The following PPCS variants were observed in gnomAD, a reference collection of about 807,000 sequenced individuals.
The protein encoded by PPCS is phosphopantothenoylcysteine synthetase.
Under a neutral mutation model 24.6 loss-of-function variants are expected in PPCS, and 17 were observed. The ratio of observed to expected loss-of-function variants is 0.69; its 90% CI spans 0.47 to 1.04. The LOEUF is 1.04. PPCS is among the 50% of genes least tolerant of loss of function. PPCS has a pLI of 0.00. For missense variants in PPCS, 360 were observed against 402.8 expected (o/e 0.89, Z 0.91); for synonymous variants, 190 against 168.3 (o/e 1.13, Z -1.00).
At position 42,457,067 on chromosome 1, in the gene PPCS, C is replaced by A. The variant is rs1221298323; in HGVS notation, c.502C>A (p.Pro168Thr). The change falls in exon 1 of 3, where the codon CCG (proline) becomes ACG (threonine). Residue 168 changes from proline to threonine, a missense_variant. This residue lies in a region of PPCS where 244 missense variants were observed against 234.7 expected (regional missense o/e 1.04). Coordinates refer to ENST00000372561, the MANE Select transcript of PPCS (RefSeq NM_024664.4). ...LLQAAAQALN[P>T]LGPSAMFYLA... is the part of the protein sequence containing the mutation. ...GCAGGCTGCGGCCCAGGCACTCAAT[C>A]CGCTAGGTGCGTGCCCTAGGAGTAC... 6.3e-7 allele frequency: 1 copy of A among 1,594,250 alleles called. No homozygotes were observed. The highest frequency in any genetic ancestry group is 1.3e-5 in the African/African-American group (1 of 74,736).
At chr1:42,465,033 T>C (rs1643525659), downstream of PPCS, among the ~76,000 whole-genome samples, 1 of 152,232 alleles carries the variant, frequency 6.6e-6, no homozygotes, top group African/African-American at 2.4e-5. Flanking sequence ...TGTTAGATGC[T>C]ATATTGTAAG....
chr1:42,463,909 T>G (rs1195377726), downstream of PPCS: 1 of 152,162 alleles, frequency 6.6e-6, no homozygotes, highest in Non-Finnish European at 1.5e-5. Context: ...GTCAGTTACC[T>G]TCTGCCTTTC....
At chr1:42,457,391 C>G (rs1228092246) in intron 2 of PPCS, 41 bp downstream of exon 2, 1 of 1,547,524 alleles carries the variant, frequency 6.5e-7, no homozygotes, top group East Asian at 2.2e-5. Context: ...TCCCATATAA[C>G]CAATCTTGGG....
chr1:42,473,320 T>C (rs759218936), exon 3 of PPCS: 1 of 1,203,864 alleles, frequency 8.3e-7, no homozygotes, highest in Non-Finnish European at 1.0e-6. Context: ...ACTAATAGCA[T>C]AGAATTTTAA....
At chr1:42,459,474 TA>T in intron 2 of PPCS, 128 bp from the exon 3 acceptor site, 1 of 845,662 alleles carries the variant, frequency 1.2e-6, no homozygotes. Context: ...CTTTTTAAAC[TA>T]AACATTTAAC....
chr1:42,457,070 C>T lies in PPCS; in HGVS notation c.505C>T (p.Leu169=). ...LQAAAQALNP[L]GPSAMFYLAA... is the part of the protein sequence containing the mutation. ...GGCTGCGGCCCAGGCACTCAATCCG[C>T]TAGGTGCGTGCCCTAGGAGTACCCC... The change falls in exon 1 of 3, where the codon CTA becomes TTA. Residue 169 remains leucine, a synonymous_variant. Coordinates refer to ENST00000372561, the MANE Select transcript of PPCS (RefSeq NM_024664.4). The T allele has an allele frequency of 6.3e-7, 1 of 1,594,124 alleles. No homozygotes were observed.
chr1:42,464,714 A>C (rs1291063899), downstream of PPCS, among the ~76,000 whole-genome samples: 1 of 152,240 alleles, frequency 6.6e-6, no homozygotes, highest in Non-Finnish European at 1.5e-5. Context: ...TACAATACGC[A>C]TTCCTTGTTG....
chr1:42,456,972 A>G lies in PPCS; in HGVS notation c.407A>G (p.Gln136Arg), dbSNP rs1320207246. ...PGFAEALRSY[Q>R]EAAAAGTFLA... ...TTTGCTGAGGCTCTGAGGAGCTACC[A>G]GGAGGCTGCGGCTGCAGGCACCTTC... Residue 136 changes from glutamine to arginine, a missense_variant, in exon 1 of 3, where the codon CAG (glutamine) becomes CGG (arginine). Transcript: ENST00000372561. The G allele has an allele frequency of 6.2e-7, 1 of 1,603,640 alleles. No individual in the cohort carries two copies. Among genetic ancestry groups the G allele is most frequent in the South Asian group, 1.1e-5 (1 of 91,088 alleles).
chr1:42,469,754 G>A lies in PPCS; in HGVS notation n.378-3368G>A, dbSNP rs151102315. On this transcript the variant is annotated intron_variant and non_coding_transcript_variant, in intron 2 of 2. Transcript: ENST00000471420. ...AAGGTTGGTATGTTGATGAGGAGAAGCAACTGACTGTTTTATGATGACCTT... is the reference window on the plus strand; with the variant it reads ...AAGGTTGGTATGTTGATGAGGAGAAACAACTGACTGTTTTATGATGACCTT... 2.3e-3 allele frequency among the ~76,000 whole-genome samples: 345 copies of A among 152,216 alleles called. 2 individuals are homozygous for A. The highest frequency in any genetic ancestry group is 8.0e-3 in the African/African-American group (332 of 41,524).
Position 42,456,891 on chromosome 1 carries a change from G to T in PPCS, c.326G>T (p.Gly109Val). The change falls in exon 1 of 3, where the codon GGC becomes GTC. Residue 109 changes from glycine to valine, a missense_variant. Transcript: ENST00000372561. ...QTWLSALRPSGPALSGLLSLE... is the reference protein window; with the variant it reads ...QTWLSALRPSVPALSGLLSLE... ...TGGCTGTCCGCTCTGCGGCCTTCGG[G>T]CCCAGCCCTTTCGGGCTTGCTGAGC... The T allele has an allele frequency of 6.2e-7, 1 of 1,612,558 alleles. No individual in the cohort carries two copies. Among genetic ancestry groups the T allele is most frequent in the Non-Finnish European group, 8.5e-7 (1 of 1,179,884 alleles).
Position 42,468,036 on chromosome 1 carries a change from T to C in PPCS, n.378-5086T>C, listed in dbSNP as rs1054318508. Among the ~76,000 whole-genome samples, 10 of 152,364 alleles carry C rather than the reference T, an allele frequency of 6.6e-5. No homozygotes were observed. The East Asian group carries it at 1.2e-3, about 18-fold the overall frequency. On this transcript the variant is annotated intron_variant and non_coding_transcript_variant, in intron 2 of 2. Coordinates refer to the PPCS transcript ENST00000471420. Reference sequence around the variant, plus strand: ...CTCATGGGTCAGGAGAGACTGTTAATGGCTGTGTAGTTCTGTATCCAATTC... The same window carrying C: ...CTCATGGGTCAGGAGAGACTGTTAACGGCTGTGTAGTTCTGTATCCAATTC...
At chr1:42,471,671 C>G (rs1458770576) in intron 2 of PPCS, among the ~76,000 whole-genome samples, 1 of 151,980 alleles carries the variant, frequency 6.6e-6, no homozygotes, top group African/African-American at 2.4e-5. Context: ...GAGTGGGGAC[C>G]AGGTGAAGGA....
Position 42,460,370 on chromosome 1 carries a change from C to A in PPCS, c.*444C>A. The A allele has an allele frequency of 1.0e-6, 1 of 987,300 alleles. No homozygotes were observed. The highest frequency in any genetic ancestry group is 1.2e-6 in the Non-Finnish European group (1 of 830,892). The allele number at this position is 987,300 out of a possible 1,614,324, so 61.2% of individuals were successfully genotyped here. A position where few individuals can be genotyped will look rare whatever the true frequency, so the allele number is the denominator to read the frequency against. Reference sequence around the variant, plus strand: ...TTAGGAAATGGATGTATAAAAAAATCAAGTGCAATAAAGTGTGTGTCCAAA... The same window carrying A: ...TTAGGAAATGGATGTATAAAAAAATAAAGTGCAATAAAGTGTGTGTCCAAA... On this transcript the variant is annotated 3_prime_UTR_variant, in exon 3 of 3. Coordinates refer to ENST00000372561, the MANE Select transcript of PPCS (RefSeq NM_024664.4).
At chr1:42,467,961 G>C (rs970987950) in intron 2 of PPCS, among the ~76,000 whole-genome samples, 2 of 152,238 alleles carry the variant, frequency 1.3e-5, no homozygotes, top group African/African-American at 4.8e-5. Context: ...GTTTTTCTCT[G>C]TAGAGAAGCA....
downstream of PPCS, among the ~76,000 whole-genome samples, chr1:42,464,903 A>C (rs1643519421): frequency 2.0e-5 from 3 of 152,212 alleles, no homozygotes; most frequent in Admixed American, 2.0e-4. Context: ...TCAAGTTTTT[A>C]AATACTGAGA....
chr1:42,459,716 A>G lies in PPCS; in HGVS notation c.726A>G (p.Arg242=), dbSNP rs1569624083. 6.2e-7 allele frequency: 1 copy of G among 1,614,188 alleles called. No homozygotes were observed. Among genetic ancestry groups the G allele is most frequent in the Non-Finnish European group, 8.5e-7 (1 of 1,180,046 alleles). The change falls in exon 3 of 3, where the codon CGA becomes CGG. Residue 242 remains arginine (R), a synonymous_variant. Coordinates refer to ENST00000372561, the MANE Select transcript of PPCS (RefSeq NM_024664.4). ...CTGACCCCGCCATTGTAATTAATCG[A>G]GCTCGGAAGGCTTTGGAAATTTATC... ...LETDPAIVIN[R]ARKALEIYQH... is the part of the protein sequence containing the mutation.
rs910196699 is a variant in PPCS, at chr1:42,470,290, C to CT, written n.378-2831dup. Among the ~76,000 whole-genome samples, 3 of 29,922 alleles carry CT rather than the reference C, an allele frequency of 1.0e-4. No homozygotes were observed. In the Admixed American group the frequency reaches 1.3e-3, roughly 13 times the overall value. 19.6% of individuals were successfully genotyped at this position (29,922 alleles called of 152,430 possible). A position where few individuals can be genotyped will look rare whatever the true frequency, so the allele number is the denominator to read the frequency against. On this transcript the variant is annotated intron_variant and non_coding_transcript_variant, in intron 2 of 2. Transcript: ENST00000471420. Reference sequence around the variant, plus strand: ...AACTGCTTCACACCCATTAGGATGGCTATTTTTTTTTTAAAGTAACCCAAA... The same window carrying CT: ...AACTGCTTCACACCCATTAGGATGGCTTATTTTTTTTTTAAAGTAACCCAAA...
At chr1:42,472,025 G>A (rs1643785518) in intron 2 of PPCS, among the ~76,000 whole-genome samples, 1 of 152,166 alleles carries the variant, frequency 6.6e-6, no homozygotes, top group African/African-American at 2.4e-5. Context: ...ATAGTTAGTG[G>A]TTTTAATCAC....
chr1:42,456,557 G>T lies in PPCS; in HGVS notation c.-9G>T, dbSNP rs754856353. 2.0e-6 allele frequency: 3 copies of T among 1,464,350 alleles called. No individual in the cohort carries two copies. The highest frequency in any genetic ancestry group is 1.8e-6 in the Non-Finnish European group (2 of 1,110,470). The allele number at this position is 1,464,350 out of a possible 1,614,324, so 90.7% of individuals were successfully genotyped here. A position where few individuals can be genotyped will look rare whatever the true frequency, so the allele number is the denominator to read the frequency against. ...GAAACGTGCGCAGGCGCCGGCCGCT[G>T]CGCTGCAGATGGCGGAAATGGATCC... On this transcript the variant is annotated 5_prime_UTR_variant, in exon 1 of 3. Coordinates refer to ENST00000372561, the MANE Select transcript of PPCS (RefSeq NM_024664.4).
Sources: allele counts gnomAD v4.1 joint callset (sites outside exome capture counted in the v4.1 genomes callset), GRCh38; gene constraint gnomAD v4.1.1; regional missense constraint gnomAD v4.1.1; transcripts MANE v1.5; gene names NCBI Gene and HGNC (gene_info 2026-07-23, HGNC 2026-07-21).